MYBL1: variants seen among roughly 807,000 people sequenced by gnomAD.
MYBL1 encodes MYB proto-oncogene like 1.
Under a neutral mutation model 96.3 loss-of-function variants are expected in MYBL1, and 17 were observed. The observed-to-expected ratio is 0.18, with a 90% CI of 0.12 to 0.26. The LOEUF is 0.26. MYBL1 is among the 10% of genes least tolerant of loss of function. MYBL1 has a pLI of 1.00. For missense variants in MYBL1, 701 were observed against 882.9 expected (o/e 0.79, Z 2.61); for synonymous variants, 282 against 292.7 (o/e 0.96, Z 0.37).
At chr8:66,586,475 C>T (rs1418330054) in intron 8 of MYBL1, among the ~76,000 whole-genome samples, 2 of 152,092 alleles carry the variant, frequency 1.3e-5, no homozygotes, top group African/African-American at 4.8e-5. Flanking sequence ...ATCAAAACCA[C>T]GATGAGATAT....
At chr8:66,598,928 G>A in intron 4 of MYBL1, 122 bp downstream of exon 4, 1 of 508,020 alleles carries the variant, frequency 2.0e-6, no homozygotes, top group Non-Finnish European at 3.1e-6. Context: ...TCTTATGCAA[G>A]TAGCCTCCGG....
intron 9 of MYBL1, among the ~76,000 whole-genome samples, chr8:66,576,897 TC>T (rs1476087845): frequency 6.6e-6 from 1 of 152,184 alleles, no homozygotes; most frequent in East Asian, 1.9e-4. Context: ...GCAGGCTTCA[TC>T]CCTGGGATGC....
chr8:66,575,985 T>A, intron 10 of MYBL1, 22 bp downstream of exon 10: 4 of 1,590,850 alleles, frequency 2.5e-6, no homozygotes, highest in Non-Finnish European at 3.4e-6. Context: ...TTTAGAAACA[T>A]AAACAAAATG....
chr8:66,582,970 T>A (rs1179051947), intron 8 of MYBL1, among the ~76,000 whole-genome samples: 1 of 152,084 alleles, frequency 6.6e-6, no homozygotes, highest in Non-Finnish European at 1.5e-5. Flanking sequence ...AAACAAACAT[T>A]GGCTTTAAAT....
At chr8:66,578,529 A>C (rs1336443354) in intron 9 of MYBL1, among the ~76,000 whole-genome samples, 2 of 151,932 alleles carry the variant, frequency 1.3e-5, no homozygotes, top group African/African-American at 4.8e-5. Flanking sequence ...AACCACAATG[A>C]GATACCATCT....
chr8:66,582,541 CAAAAAAAAA>C (rs34952299), intron 8 of MYBL1, among the ~76,000 whole-genome samples: 3 of 48,268 alleles, frequency 6.2e-5, no homozygotes, highest in Non-Finnish European at 1.1e-4. Context: ...TCCATCTCTA[CAAAAAAAAA>C]AAAAAAAAAA....
chr8:66,591,192 TA>T (rs1419234983), intron 8 of MYBL1, among the ~76,000 whole-genome samples: 1 of 151,664 alleles, frequency 6.6e-6, no homozygotes, highest in Non-Finnish European at 1.5e-5. Flanking sequence ...ACTAAAAATA[TA>T]AAAAATTAGC....
chr8:66,592,642 A>G, intron 7 of MYBL1, 98 bp from the exon 8 acceptor site: 1 of 694,258 alleles, frequency 1.4e-6, no homozygotes, highest in African/African-American at 1.8e-5. Flanking sequence ...CATGAAATAT[A>G]CTTTTTCTAA....
chr8:66,612,698 G>A (rs542209572), intron 1 of MYBL1, 121 bp downstream of exon 1: 358 of 1,196,044 alleles, frequency 3.0e-4, no homozygotes, highest in Non-Finnish European at 3.7e-4. Context: ...GCGGGGACGC[G>A]GGAAGAAAAA....
At position 66,595,123 on chromosome 8, in the gene MYBL1, T is replaced by C. The variant is rs145704520; in HGVS notation, c.687+460A>G. ...GACTAAAATTACCCAAGTGATTAGT[T>C]ATTAGGGGGAAAAGCAAAGTTGAAT... On this transcript the variant is annotated intron_variant, in intron 6 of 15. Transcript: ENST00000522677. 6.8e-4 allele frequency among the ~76,000 whole-genome samples: 104 copies of C among 152,288 alleles called. 1 individual carries two copies. Among genetic ancestry groups the C allele is most frequent in the African/African-American group, 2.4e-3 (101 of 41,568 alleles).
In MYBL1 at chr8:66,566,053, T is replaced by A; in HGVS notation, c.2130+11A>T. ...AAACAAAAATCACTAAAGAAATTTA[T>A]AAATCCATACCTGAAGATTCTTTTC... On this transcript the variant is annotated intron_variant, in intron 15 of 15. Transcript: ENST00000522677. 1 of 1,475,884 alleles carries A rather than the reference T, an allele frequency of 6.8e-7. No homozygotes were observed. The allele number at this position is 1,475,884 out of a possible 1,614,324, so 91.4% of individuals were successfully genotyped here. A position where few individuals can be genotyped will look rare whatever the true frequency, so the allele number is the denominator to read the frequency against.
rs1809287286 is a variant in MYBL1 at position 66,583,235 on chromosome 8, C to T, written c.868-2869G>A. 2.0e-5 allele frequency among the ~76,000 whole-genome samples: 3 copies of T among 152,164 alleles called. No homozygotes were observed. The South Asian group carries it at 6.2e-4, about 32-fold the overall frequency. ...GGAAATTAAACAACATGCTCCTGAACAACCAATAGGTCAATGAAGAAATTA... is the reference window on the plus strand; with the variant it reads ...GGAAATTAAACAACATGCTCCTGAATAACCAATAGGTCAATGAAGAAATTA... On this transcript the variant is annotated intron_variant, in intron 8 of 15. Transcript: ENST00000522677.
chr8:66,567,565 T>C lies in MYBL1; in HGVS notation c.1729-573A>G, dbSNP rs559182360. On this transcript the variant is annotated intron_variant, in intron 12 of 15. Transcript: ENST00000522677. ...TGTGTGTGTGTGTAGTGTGGGAGGG[T>C]AGGTTACAGAGAGATAGACACTTGA... Among the ~76,000 whole-genome samples, 6 of 150,932 alleles carry C rather than the reference T, an allele frequency of 4.0e-5. No individual in the cohort carries two copies. The East Asian group carries it at 1.2e-3, about 29-fold the overall frequency.
chr8:66,567,939 C>A (rs1051904207), intron 12 of MYBL1, among the ~76,000 whole-genome samples: 3 of 148,756 alleles, frequency 2.0e-5, no homozygotes, highest in African/African-American at 7.4e-5. Context: ...GTGTGCACCC[C>A]GGGAGGCTGA....
intron 8 of MYBL1, among the ~76,000 whole-genome samples, chr8:66,590,081 C>A (rs1295148743): frequency 1.3e-5 from 2 of 151,532 alleles, no homozygotes; most frequent in Non-Finnish European, 2.9e-5. Context: ...CTCAAAAAAT[C>A]CCAAAAAAAC....
Position 66,612,981 on chromosome 8 carries a change from G to A in MYBL1, c.-143C>T. On this transcript the variant is annotated 5_prime_UTR_variant, in exon 1 of 16. Transcript: ENST00000522677. ...GGCCGAGTGCGGAACGCACGTCCTC[G>A]ACAGGGCAGGACGGAGGGACAGCGG... 2 of 914,340 alleles carry A rather than the reference G, an allele frequency of 2.2e-6. No homozygotes were observed. The highest frequency in any genetic ancestry group is 3.1e-5 in the East Asian group (1 of 32,104). 56.6% of individuals were successfully genotyped at this position (914,340 alleles called of 1,614,324 possible). A position where few individuals can be genotyped will look rare whatever the true frequency, so the allele number is the denominator to read the frequency against.
intron 8 of MYBL1, among the ~76,000 whole-genome samples, chr8:66,581,181 C>T (rs930320693): frequency 6.6e-6 from 1 of 152,156 alleles, no homozygotes; most frequent in East Asian, 1.9e-4. Context: ...TCTGATTATA[C>T]ACTTTTATCT....
At chr8:66,601,176 T>TC (rs1810055432) in intron 3 of MYBL1, among the ~76,000 whole-genome samples, 1 of 28,536 alleles carries the variant, frequency 3.5e-5, no homozygotes, top group African/African-American at 1.7e-4. Context: ...AAACTCCGTC[T>TC]CAAAAAAAAA....
In MYBL1 at chr8:66,573,460, G is replaced by C; in HGVS notation, c.1517C>G (p.Pro506Arg). The C allele has an allele frequency of 6.2e-7, 1 of 1,611,272 alleles. No individual in the cohort carries two copies. Among genetic ancestry groups the C allele is most frequent in the Non-Finnish European group, 8.5e-7 (1 of 1,178,682 alleles). ...ACAAATAGGGGTTGATGTAAATGAA[G>C]GATTTTCTATATTAAGTTGTTCATT... ...PGNEQLNIEN[P>R]SFTSTPICGQ... The change falls in exon 11 of 16, where the codon CCT (proline) becomes CGT (arginine). Residue 506 changes from proline to arginine, a missense_variant. Around this residue, in one of 5 missense-constraint regions of MYBL1, gnomAD observed 396 missense variants for 407.4 expected, o/e 0.97. Transcript: ENST00000522677.
Sources: gnomAD v4.1 joint callset for allele counts (sites outside exome capture counted in the v4.1 genomes callset) on GRCh38, gnomAD v4.1.1 for gene constraint, gnomAD v4.1.1 regional missense constraint, MANE v1.5 for transcripts, NCBI Gene and HGNC (gene_info 2026-07-23, HGNC 2026-07-21) for gene names.